Variants in SPTSSA observed in about 807,000 individuals in gnomAD.
SPTSSA encodes small subunit of serine palmitoyltransferase A.
A neutral mutation model predicts 9.1 loss-of-function variants in SPTSSA; 8 were observed. The observed-to-expected ratio is 0.88, with a 90% CI of 0.51 to 1.58. The LOEUF (loss-of-function observed/expected upper bound fraction) is 1.58, where lower values mean the gene tolerates loss of function less well. Among genes scored for constraint, SPTSSA ranks in the 40% most tolerant of loss-of-function variants. The probability of loss-of-function intolerance (pLI) is 0.00; values close to 1 mark genes in which losing one functional copy is unlikely to be tolerated. For missense variants in SPTSSA, 100 were observed against 93.8 expected (o/e 1.07, Z -0.27); for synonymous variants, 42 against 37.7 (o/e 1.11, Z -0.41).
At position 34,462,221 on chromosome 14, in the gene SPTSSA, T is replaced by A. The variant is rs146912414; in HGVS notation, c.-14A>T. ...CATCCCCGCCATGCGCCTCCCGCGA[T>A]GCAGCTCACACGTCAGTCTGTCCGG... On this transcript the variant is annotated 5_prime_UTR_variant, in exon 1 of 2. Coordinates refer to ENST00000298130, the MANE Select transcript of SPTSSA (RefSeq NM_138288.4). 1.5e-5 allele frequency: 22 copies of A among 1,511,322 alleles called. No homozygotes were observed. The highest frequency in any genetic ancestry group is 1.9e-5 in the Admixed American group (1 of 52,430). 93.6% of individuals were successfully genotyped at this position (1,511,322 alleles called of 1,614,324 possible). A position where few individuals can be genotyped will look rare whatever the true frequency, so the allele number is the denominator to read the frequency against.
chr14:34,461,984 A>G, intron 1 of SPTSSA, 112 bp downstream of exon 1: 1 of 603,600 alleles, frequency 1.7e-6, no homozygotes, highest in Non-Finnish European at 2.1e-6. Context: ...CGCGCACAGG[A>G]CCGGCGGGGC....
intron 1 of SPTSSA, among the ~76,000 whole-genome samples, chr14:34,442,983 T>TGTGTGTGTGTGTGTGA (rs750212266): frequency 7.1e-4 from 106 of 148,446 alleles, no homozygotes; most frequent in Middle Eastern, 3.5e-3. Flanking sequence ...TGTGTGTGTG[T>TGTGTGTGTGTGTGTGA]GAGATGGAGT....
rs111873706 is a variant in SPTSSA at position 34,446,954 on chromosome 14, T to C, written c.113-11650A>G. On this transcript the variant is annotated intron_variant, in intron 1 of 1. Transcript: ENST00000298130. ...AGACCACTTACTCAGCTGGGCGCAG[T>C]GGCTCACACCTGTAATCACAGCACT... Among the ~76,000 whole-genome samples, 826 of 152,224 alleles carry C rather than the reference T, an allele frequency of 5.4e-3. 5 individuals are homozygous for C. The highest frequency in any genetic ancestry group is 0.018 in the African/African-American group (766 of 41,542).
chr14:34,436,765 T>C (rs2138815889), intron 1 of SPTSSA, among the ~76,000 whole-genome samples: 1 of 152,284 alleles, frequency 6.6e-6, no homozygotes, highest in African/African-American at 2.4e-5. Context: ...GAAGCTGTCT[T>C]TAGAGCCAGA....
intron 1 of SPTSSA, among the ~76,000 whole-genome samples, chr14:34,444,492 AC>A: frequency 6.6e-6 from 1 of 152,244 alleles, no homozygotes; most frequent in Non-Finnish European, 1.5e-5. Context: ...GGTGGCTCAC[AC>A]CTGTAATCCC....
chr14:34,447,462 T>G (rs10129553), intron 1 of SPTSSA, among the ~76,000 whole-genome samples: 8,592 of 152,132 alleles, frequency 0.056, 373 homozygotes, highest in African/African-American at 0.12. Context: ...TGTCATATGA[T>G]TGCTCTTCAA....
intron 1 of SPTSSA, 111 bp from the exon 2 acceptor site, chr14:34,435,415 A>G (rs575857773): frequency 9.2e-6 from 6 of 651,716 alleles, no homozygotes; most frequent in Non-Finnish European, 1.5e-5. Context: ...GTGCTTTCTC[A>G]TTTATATCAA....
intron 1 of SPTSSA, among the ~76,000 whole-genome samples, chr14:34,457,655 C>T (rs915799199): frequency 6.6e-6 from 1 of 152,120 alleles, no homozygotes; most frequent in Non-Finnish European, 1.5e-5. Context: ...CAATGTATCA[C>T]TTCAAATGTC....
rs1410772726 is a variant in SPTSSA, at chr14:34,443,170, TG to T, written c.113-7867del. 2.9e-3 allele frequency among the ~76,000 whole-genome samples: 241 copies of T among 82,282 alleles called. 31 individuals carry two copies. The highest frequency in any genetic ancestry group is 0.019 in the African/African-American group (209 of 11,014). 54.0% of individuals were successfully genotyped at this position (82,282 alleles called of 152,430 possible). On this transcript the variant is annotated intron_variant, in intron 1 of 1. Coordinates refer to ENST00000298130, the MANE Select transcript of SPTSSA (RefSeq NM_138288.4). Reference sequence around the variant, plus strand: ...GTGTGTGTGTGTGTGTGTGTGTGTGTGTTTTGAGATTGAGTTTTCCTCTAGG... The same window carrying T: ...GTGTGTGTGTGTGTGTGTGTGTGTGTTTTTGAGATTGAGTTTTCCTCTAGG...
intron 1 of SPTSSA, among the ~76,000 whole-genome samples, chr14:34,452,203 G>A (rs963680788): frequency 2.8e-5 from 4 of 144,284 alleles, no homozygotes; most frequent in East Asian, 2.1e-4. Flanking sequence ...CCAAGATCGC[G>A]CCACTGCACT....
intron 1 of SPTSSA, among the ~76,000 whole-genome samples, chr14:34,457,539 A>G (rs184868621): frequency 1.3e-5 from 2 of 152,276 alleles, no homozygotes; most frequent in East Asian, 3.9e-4. Flanking sequence ...ATTCTTCTTT[A>G]TTGTTACCTT....
At chr14:34,454,173 A>C (rs1883572811) in intron 1 of SPTSSA, among the ~76,000 whole-genome samples, 1 of 151,892 alleles carries the variant, frequency 6.6e-6, no homozygotes, top group South Asian at 2.1e-4. Flanking sequence ...CAACAGAGCA[A>C]GACCCTGTTT....
chr14:34,438,455 T>C (rs1883273011), intron 1 of SPTSSA, among the ~76,000 whole-genome samples: 1 of 152,142 alleles, frequency 6.6e-6, no homozygotes, highest in Admixed American at 6.5e-5. Flanking sequence ...ATTAGGGATG[T>C]CCATTCTGTA....
At chr14:34,451,837 G>GT (rs1424589070) in intron 1 of SPTSSA, among the ~76,000 whole-genome samples, 3 of 151,822 alleles carry the variant, frequency 2.0e-5, no homozygotes, top group Non-Finnish European at 2.9e-5. Context: ...ATTTGACGAA[G>GT]TATTATCATA....
At chr14:34,439,902 T>A (rs1883292576) in intron 1 of SPTSSA, among the ~76,000 whole-genome samples, 1 of 152,212 alleles carries the variant, frequency 6.6e-6, no homozygotes, top group Non-Finnish European at 1.5e-5. Flanking sequence ...CTCCCCCTAG[T>A]AAAACCTAAT....
At chr14:34,443,166 TGTG>T (rs1566422818) in intron 1 of SPTSSA, among the ~76,000 whole-genome samples, 3 of 87,158 alleles carry the variant, frequency 3.4e-5, no homozygotes, top group African/African-American at 1.6e-4. Context: ...TGTGTGTGTG[TGTG>T]TGTTTTGAGA....
At chr14:34,455,441 G>T (rs1247307720) in intron 1 of SPTSSA, among the ~76,000 whole-genome samples, 5 of 152,074 alleles carry the variant, frequency 3.3e-5, no homozygotes, top group African/African-American at 1.2e-4. Flanking sequence ...TATCTCAGGA[G>T]AGATGCATAG....
chr14:34,457,693 C>T (rs891661128), intron 1 of SPTSSA, among the ~76,000 whole-genome samples: 1 of 152,140 alleles, frequency 6.6e-6, no homozygotes, highest in African/African-American at 2.4e-5. Context: ...GTAGCCCAGG[C>T]ATCTTGGCTC....
chr14:34,433,507 A>G lies in SPTSSA; in HGVS notation c.*1694T>C, dbSNP rs1244916247. The G allele has an allele frequency of 1.3e-5, 2 of 152,114 alleles. No homozygotes were observed. Among genetic ancestry groups the G allele is most frequent in the African/African-American group, 4.8e-5 (2 of 41,410 alleles). 9.4% of individuals were successfully genotyped at this position (152,114 alleles called of 1,614,324 possible). ...TACAGCTCAGATATAACCATATCCAATTTTTAACTACTTCAAACCAAGTAA... is the reference window on the plus strand; with the variant it reads ...TACAGCTCAGATATAACCATATCCAGTTTTTAACTACTTCAAACCAAGTAA... On this transcript the variant is annotated 3_prime_UTR_variant, in exon 2 of 2. Coordinates refer to ENST00000298130, the MANE Select transcript of SPTSSA (RefSeq NM_138288.4).
Sources: allele counts gnomAD v4.1 joint callset (sites outside exome capture counted in the v4.1 genomes callset), GRCh38; gene constraint gnomAD v4.1.1; transcripts MANE v1.5; gene names NCBI Gene and HGNC (gene_info 2026-07-23, HGNC 2026-07-21).